Variants in CACNA1H observed in about 807,000 individuals in gnomAD.
The protein encoded by CACNA1H is calcium voltage-gated channel subunit alpha1 H.
Under a neutral mutation model 192.5 loss-of-function variants are expected in CACNA1H, and 149 were observed. That is an observed-to-expected ratio of 0.77 (90% CI 0.68 to 0.89). The LOEUF (loss-of-function observed/expected upper bound fraction) is 0.89. Ranked by LOEUF, CACNA1H falls within the 40% of genes least tolerant of loss-of-function variation. The pLI is 0.00. For synonymous variants in CACNA1H, 2,202 were observed against 1,475.2 expected, an observed-to-expected ratio of 1.49 and a Z score of -11.29; for missense variants, 4,257 against 3,423.5, an observed-to-expected ratio of 1.24 and a Z score of -6.08.
rs554096041 is a variant in CACNA1H, at chr16:1,186,759, G to A, written c.300-8213G>A. On this transcript the variant is annotated intron_variant, in intron 2 of 34. Coordinates refer to ENST00000348261, the MANE Select transcript of CACNA1H (RefSeq NM_021098.3). ...GCTTCCTGGCCGGTGAATGTGCCACGGCAGTGGAGATATTCTGCCCTTCTA... is the reference window on the plus strand; with the variant it reads ...GCTTCCTGGCCGGTGAATGTGCCACAGCAGTGGAGATATTCTGCCCTTCTA... Among the ~76,000 whole-genome samples, 9 of 152,300 alleles carry A rather than the reference G, an allele frequency of 5.9e-5. No homozygotes were observed. In the East Asian group the frequency reaches 1.2e-3, roughly 20 times the overall value.
chr16:1,198,982 C>T (rs1967359576), intron 6 of CACNA1H: 2 of 568,206 alleles, frequency 3.5e-6, no homozygotes, highest in Admixed American at 3.0e-5. Context: ...GCAGTCACCG[C>T]CCCACATGGC....
chr16:1,184,929 G>A (rs756920989), intron 2 of CACNA1H, among the ~76,000 whole-genome samples: 6 of 152,188 alleles, frequency 3.9e-5, no homozygotes, highest in East Asian at 3.8e-4. Flanking sequence ...GACGACCAGC[G>A]GATTTTAAAG....
At chr16:1,161,877 G>T (rs1226294637) in intron 2 of CACNA1H, among the ~76,000 whole-genome samples, 1 of 152,170 alleles carries the variant, frequency 6.6e-6, no homozygotes, top group East Asian at 1.9e-4. Context: ...GGGTCCGTGG[G>T]GTGGGCCTGG....
In CACNA1H at chr16:1,195,067, G is replaced by A. The variant is rs1966857032; in HGVS notation, c.395G>A (p.Arg132His). The A allele has an allele frequency of 1.2e-6, 2 of 1,605,026 alleles. No homozygotes were observed. Among genetic ancestry groups the A allele is most frequent in the Non-Finnish European group, 1.7e-6 (2 of 1,174,178 alleles). ...GAGGACGTTGAGTGCGGCTCCGAGC[G>A]CTGCAACATCCTGGAGGTGAGGGGC... ...PCEDVECGSE[R>H]CNILEAFDAF... The change falls in exon 3 of 35, where the codon CGC becomes CAC. Residue 132 changes from arginine to histidine, a missense_variant. Transcript: ENST00000348261.
At position 1,201,804 on chromosome 16, in the gene CACNA1H, G is replaced by A. The variant is rs1555511839; in HGVS notation, c.1354G>A (p.Glu452Lys). The A allele has an allele frequency of 6.3e-6, 10 of 1,590,290 alleles. No individual in the cohort carries two copies. The highest frequency in any genetic ancestry group is 1.7e-4 in the Middle Eastern group (1 of 5,922). ...CGACAGCACGCTGGCCAGCTTCTCC[G>A]AGCCTGGCAGCTGCTACGAAGAGCT... ...SNDSTLASFS[E>K]PGSCYEELLK... The change falls in exon 9 of 35, where the codon GAG becomes AAG. Residue 452 changes from glutamate to lysine, a missense_variant. Coordinates refer to ENST00000348261, the MANE Select transcript of CACNA1H (RefSeq NM_021098.3).
chr16:1,195,891 CTTG>C (rs1567496009), intron 4 of CACNA1H, 32 bp from the exon 5 acceptor site: 1 of 1,553,306 alleles, frequency 6.4e-7, no homozygotes, highest in Non-Finnish European at 8.9e-7. Context: ...ACCTGGGCTC[CTTG>C]TTGAGCTGCT....
At position 1,207,772 on chromosome 16, in the gene CACNA1H, C is replaced by G. The variant is rs757098120; in HGVS notation, c.3066C>G (p.Gly1022=). The G allele has an allele frequency of 6.3e-7, 1 of 1,594,078 alleles. No individual in the cohort carries two copies. ...AILVEGFQAE[G]DANRSDTDED... is the part of the protein sequence containing the mutation. ...GCCTTGTGCTTTGTTGGGTTTAGGG[C>G]GATGCCAACAGATCCGACACGGACG... is the stretch of plus-strand genomic sequence containing the variant. The change falls in exon 15 of 35, where the codon GGC becomes GGG. Residue 1022 remains glycine, a splice_region_variant and synonymous_variant. Coordinates refer to ENST00000348261, the MANE Select transcript of CACNA1H (RefSeq NM_021098.3).
At chr16:1,210,726 G>A (rs917590515) in intron 20 of CACNA1H, 61 bp from the exon 21 acceptor site, 132 of 1,550,602 alleles carry the variant, frequency 8.5e-5, no homozygotes, top group Non-Finnish European at 9.7e-5. Flanking sequence ...ACCCAGCAGC[G>A]CGCCAGCTCC....
At chr16:1,153,628 C>A (rs1009462705) in intron 1 of CACNA1H, 92 bp from the exon 2 acceptor site, 9 of 799,730 alleles carry the variant, frequency 1.1e-5, no homozygotes, top group East Asian at 4.3e-5. Flanking sequence ...CAAAGACATC[C>A]CGGCGGCCGC....
At chr16:1,157,511 C>T (rs752237471) in intron 2 of CACNA1H, 1 of 152,112 alleles carries the variant, frequency 6.6e-6, no homozygotes, top group Non-Finnish European at 1.5e-5. Flanking sequence ...TGTCACGCTG[C>T]TCCGCGGGCG....
chr16:1,158,584 C>T (rs569864739), intron 2 of CACNA1H, among the ~76,000 whole-genome samples: 525 of 152,320 alleles, frequency 3.4e-3, no homozygotes, highest in African/African-American at 0.011. Context: ...CTGAGCTCAC[C>T]CTCCGGGTCG....
intron 2 of CACNA1H, among the ~76,000 whole-genome samples, chr16:1,163,274 C>T (rs935577319): frequency 3.9e-5 from 6 of 152,248 alleles, no homozygotes; most frequent in African/African-American, 1.4e-4. Flanking sequence ...CCAGCAGGGC[C>T]AGGTGGGTGT....
At chr16:1,185,437 G>A (rs1339806119) in intron 2 of CACNA1H, among the ~76,000 whole-genome samples, 4 of 151,808 alleles carry the variant, frequency 2.6e-5, no homozygotes, top group African/African-American at 9.7e-5. Context: ...TGGACTCCTG[G>A]ACGGTGTCTG....
chr16:1,200,218 T>G (rs1221570883), intron 6 of CACNA1H, 38 bp from the exon 7 acceptor site: 2 of 1,537,950 alleles, frequency 1.3e-6, no homozygotes, highest in Non-Finnish European at 8.8e-7. Context: ...TCCCTGACCC[T>G]GATTGTACCT....
At chr16:1,177,867 C>T (rs1294395634) in intron 2 of CACNA1H, among the ~76,000 whole-genome samples, 2 of 151,902 alleles carry the variant, frequency 1.3e-5, no homozygotes, top group Non-Finnish European at 2.9e-5. Flanking sequence ...ATCCCAGTCA[C>T]CTCCCAAAGG....
chr16:1,199,680 T>C, intron 6 of CACNA1H, among the ~76,000 whole-genome samples: 1 of 142,604 alleles, frequency 7.0e-6, no homozygotes, highest in African/African-American at 2.7e-5. Context: ...CACCCCGGGT[T>C]CTCCCCTCAA....
intron 2 of CACNA1H, among the ~76,000 whole-genome samples, chr16:1,179,242 C>G (rs1057349179): frequency 9.2e-5 from 14 of 152,032 alleles, no homozygotes; most frequent in Non-Finnish European, 1.6e-4. Flanking sequence ...GTGTGGCGGC[C>G]CTGTGGGTGG....
chr16:1,180,936 G>A lies in CACNA1H; in HGVS notation c.300-14036G>A, dbSNP rs902164638. On this transcript the variant is annotated intron_variant, in intron 2 of 34. Coordinates refer to ENST00000348261, the MANE Select transcript of CACNA1H (RefSeq NM_021098.3). The surrounding 1 kb of genome is among the most constrained non-coding windows in gnomAD (Gnocchi z 4.4). The stretch of plus-strand genomic sequence containing the variant: ...TCACCCCGTCTTCCCGCAGGAAAGC[G>A]CCTTGGCGGGACTGCTTCCGCCAGC... Among the ~76,000 whole-genome samples the A allele has an allele frequency of 5.9e-5, 9 of 152,326 alleles. No individual in the cohort carries two copies. The highest frequency in any genetic ancestry group is 1.9e-4 in the African/African-American group (8 of 41,588).
intron 2 of CACNA1H, among the ~76,000 whole-genome samples, chr16:1,162,643 G>GT (rs1240877547): frequency 6.6e-6 from 1 of 151,706 alleles, no homozygotes; most frequent in African/African-American, 2.4e-5. Flanking sequence ...CTGGAGTGGG[G>GT]GGGGGGGGTC....
Sources: gnomAD v4.1 joint callset for allele counts (sites outside exome capture counted in the v4.1 genomes callset) on GRCh38, gnomAD v4.1.1 for gene constraint, Gnocchi (gnomAD v3.1) non-coding constraint, MANE v1.5 for transcripts, NCBI Gene and HGNC (gene_info 2026-07-23, HGNC 2026-07-21) for gene names.